CAAP1: variants seen among roughly 807,000 people sequenced by gnomAD.
CAAP1 encodes conserved anti-apoptotic protein.
CAAP1 carries 20 observed loss-of-function variants against 34.0 expected under a neutral mutation model. That is an observed-to-expected ratio of 0.59 (90% CI 0.41 to 0.86). CAAP1 has a LOEUF of 0.86. Among genes scored for constraint, CAAP1 ranks in the 40% least tolerant of loss-of-function variants. The pLI, the probability that CAAP1 is intolerant of heterozygous loss-of-function variation, is 0.00. For missense variants in CAAP1, 538 were observed against 450.5 expected (o/e 1.19, Z -1.76); for synonymous variants, 213 against 166.7 (o/e 1.28, Z -2.14).
In CAAP1 at chr9:26,852,543, G is replaced by C. The variant is rs78463380; in HGVS notation, c.739+8523C>G. Among the ~76,000 whole-genome samples the C allele has an allele frequency of 2.5e-4, 38 of 152,192 alleles. No individual in the cohort carries two copies. In the East Asian group the frequency reaches 7.0e-3, roughly 28 times the overall value. ...GGAAGGGAAGGCTTCATAGATAATG[G>C]AGATAATCTTAAAAACAGTAGTTTG... On this transcript the variant is annotated intron_variant, in intron 5 of 5. Transcript: ENST00000333916.
chr9:26,887,972 T>G (rs1287805950), intron 1 of CAAP1, among the ~76,000 whole-genome samples: 2 of 152,236 alleles, frequency 1.3e-5, no homozygotes, highest in African/African-American at 2.4e-5. Context: ...TAAAACTTTA[T>G]AATCATAATC....
chr9:26,884,786 A>G, intron 4 of CAAP1, 24 bp downstream of exon 4: 1 of 1,535,818 alleles, frequency 6.5e-7, no homozygotes, highest in African/African-American at 1.4e-5. Flanking sequence ...ATTTTGAAAT[A>G]AAAATGAAAG....
chr9:26,843,532 A>T (rs1822527227), intron 5 of CAAP1, among the ~76,000 whole-genome samples: 2 of 151,646 alleles, frequency 1.3e-5, no homozygotes, highest in South Asian at 4.2e-4. Flanking sequence ...ACATGTGCAC[A>T]ATGTGCAGGT....
intron 5 of CAAP1, among the ~76,000 whole-genome samples, chr9:26,860,086 T>C (rs1013859830): frequency 2.0e-5 from 3 of 152,198 alleles, no homozygotes; most frequent in Non-Finnish European, 4.4e-5. Flanking sequence ...AAAGATTAGG[T>C]GATTACATGA....
chr9:26,888,356 C>T (rs1259931975), intron 1 of CAAP1, among the ~76,000 whole-genome samples: 3 of 152,208 alleles, frequency 2.0e-5, no homozygotes, highest in Non-Finnish European at 4.4e-5. Context: ...CTTCCTTCAG[C>T]TCATAGAAGC....
At chr9:26,876,225 C>A (rs184846740) in intron 4 of CAAP1, among the ~76,000 whole-genome samples, 3 of 152,138 alleles carry the variant, frequency 2.0e-5, no homozygotes, top group African/African-American at 4.8e-5. Flanking sequence ...TCATTTTAAT[C>A]TCTGCTTCCA....
chr9:26,842,845 T>C (rs1444836379), intron 5 of CAAP1, among the ~76,000 whole-genome samples, 198 bp from the exon 6 acceptor site: 1 of 152,232 alleles, frequency 6.6e-6, no homozygotes, highest in Non-Finnish European at 1.5e-5. Flanking sequence ...TAAATTCAAA[T>C]GTATTTTTCA....
intron 2 of CAAP1, 96 bp from the exon 3 acceptor site, chr9:26,886,284 C>A: frequency 2.0e-6 from 1 of 504,728 alleles, no homozygotes; most frequent in South Asian, 6.4e-5. Context: ...TTAGCAAAAT[C>A]TTACAATAAA....
chr9:26,884,705 A>G (rs1157100080), intron 4 of CAAP1, 105 bp downstream of exon 4: 1 of 868,524 alleles, frequency 1.2e-6, no homozygotes. Context: ...CCACTGAATG[A>G]TTTTATAAAT....
At chr9:26,873,923 C>T (rs1343196510) in intron 4 of CAAP1, among the ~76,000 whole-genome samples, 1 of 152,044 alleles carries the variant, frequency 6.6e-6, no homozygotes, top group Non-Finnish European at 1.5e-5. Flanking sequence ...TTACAGATAC[C>T]TGCACCGGGT....
At chr9:26,873,255 C>T (rs534004622) in intron 4 of CAAP1, among the ~76,000 whole-genome samples, 2 of 152,252 alleles carry the variant, frequency 1.3e-5, no homozygotes, top group East Asian at 3.9e-4. Flanking sequence ...AGAAAAAGTA[C>T]CTACTTTGTG....
chr9:26,844,243 G>A (rs1398655554), intron 5 of CAAP1, among the ~76,000 whole-genome samples: 3 of 152,172 alleles, frequency 2.0e-5, no homozygotes, highest in African/African-American at 7.2e-5. Context: ...TGTAATCCCA[G>A]CTACTCGGGA....
chr9:26,883,742 CAA>C (rs1318910999), intron 4 of CAAP1, among the ~76,000 whole-genome samples: 8 of 151,960 alleles, frequency 5.3e-5, no homozygotes, highest in East Asian at 1.9e-4. Context: ...AAAAAAGAAA[CAA>C]AGTGATTAAT....
chr9:26,862,473 T>C (rs915635584), intron 4 of CAAP1, among the ~76,000 whole-genome samples: 1 of 151,838 alleles, frequency 6.6e-6, no homozygotes. Flanking sequence ...AGGATGGATA[T>C]ATGTAATACT....
At chr9:26,889,984 A>G (rs1233699709) in intron 1 of CAAP1, among the ~76,000 whole-genome samples, 4 of 151,994 alleles carry the variant, frequency 2.6e-5, no homozygotes, top group Non-Finnish European at 5.9e-5. Context: ...TCACAAATAC[A>G]CTAATTTTTC....
rs1332155348 is a variant in CAAP1, at chr9:26,841,639, C to A, written c.*662G>T. ...GTTCCATTTTTATTAAAGAAAAAAC[C>A]TAGAATAATGCATCCAATGGTATCA... On this transcript the variant is annotated 3_prime_UTR_variant, in exon 6 of 6. Transcript: ENST00000333916. 6.6e-6 allele frequency: 1 copy of A among 152,436 alleles called. No individual in the cohort carries two copies. Among genetic ancestry groups the A allele is most frequent in the Non-Finnish European group, 1.5e-5 (1 of 67,972 alleles). 9.4% of individuals were successfully genotyped at this position (152,436 alleles called of 1,614,324 possible).
chr9:26,876,706 G>C (rs1172618554), intron 4 of CAAP1, among the ~76,000 whole-genome samples: 2 of 152,094 alleles, frequency 1.3e-5, no homozygotes, highest in Non-Finnish European at 2.9e-5. Flanking sequence ...TATGGCCTAG[G>C]TATGTAGCAG....
chr9:26,845,583 T>A (rs571306769), intron 5 of CAAP1, among the ~76,000 whole-genome samples: 1 of 151,982 alleles, frequency 6.6e-6, no homozygotes, highest in African/African-American at 2.4e-5. Flanking sequence ...ACCATGTTGG[T>A]CAGGCTGGTC....
rs1224173684 is a variant in CAAP1, at chr9:26,857,869, G to A, written c.739+3197C>T. Among the ~76,000 whole-genome samples, 11 of 147,726 alleles carry A rather than the reference G, an allele frequency of 7.4e-5. No homozygotes were observed. In the Admixed American group the frequency reaches 7.5e-4, roughly 10 times the overall value. On this transcript the variant is annotated intron_variant, in intron 5 of 5. Coordinates refer to ENST00000333916, the MANE Select transcript of CAAP1 (RefSeq NM_024828.4). ...CTAGCAACAAAGATGAATGAAACCA[G>A]TACTAGACAAAAAAATGCCAATTTC...
Sources: allele counts gnomAD v4.1 joint callset (sites outside exome capture counted in the v4.1 genomes callset), GRCh38; gene constraint gnomAD v4.1.1; transcripts MANE v1.5; gene names NCBI Gene and HGNC (gene_info 2026-07-23, HGNC 2026-07-21).